Variants in SNX24 observed in about 807,000 individuals in gnomAD.
SNX24 encodes sorting nexin-24.
Under a neutral mutation model 28.7 loss-of-function variants are expected in SNX24, and 22 were observed. That is an observed-to-expected ratio of 0.77 (90% CI 0.55 to 1.10). The LOEUF (loss-of-function observed/expected upper bound fraction) is 1.10. Ranked by LOEUF, SNX24 falls within the 50% of genes least tolerant of loss-of-function variation. The pLI is 0.00. For missense variants in SNX24, 221 were observed against 201.1 expected (o/e 1.10, Z -0.60); for synonymous variants, 69 against 71.5 (o/e 0.96, Z 0.18).
intron 1 of SNX24, among the ~76,000 whole-genome samples, chr5:122,870,215 C>A (rs78246823): frequency 6.6e-6 from 1 of 152,156 alleles, no homozygotes; most frequent in South Asian, 2.1e-4. Flanking sequence ...CTCTATCAAC[C>A]TAAAGATCTT....
At chr5:122,974,219 G>T (rs1338969182) in intron 3 of SNX24, among the ~76,000 whole-genome samples, 1 of 152,204 alleles carries the variant, frequency 6.6e-6, no homozygotes, top group Non-Finnish European at 1.5e-5. Context: ...TGAGGTAGAA[G>T]GTACCTGAAT....
At chr5:122,924,284 A>G (rs1652265199) in intron 1 of SNX24, among the ~76,000 whole-genome samples, 1 of 152,238 alleles carries the variant, frequency 6.6e-6, no homozygotes, top group African/African-American at 2.4e-5. Flanking sequence ...ATACACCAAC[A>G]TCACTTCTCC....
chr5:123,023,956 A>ACGGT, intron 5 of SNX24: 1 of 1,614,098 alleles, frequency 6.2e-7, no homozygotes. Flanking sequence ...TGGTGAGTGG[A>ACGGT]CGGTCATGCC....
In SNX24 at chr5:122,856,126, A is replaced by G. The variant is rs180811174; in HGVS notation, c.60+10433A>G. On this transcript the variant is annotated intron_variant, in intron 1 of 6. Coordinates refer to ENST00000261369, the MANE Select transcript of SNX24 (RefSeq NM_014035.4). ...GATCTTCTCCCTTCTGCCTCCCTCC[A>G]CTCGCAAGTAATCCCTGGTGTCTGT... Among the ~76,000 whole-genome samples the G allele has an allele frequency of 3.9e-5, 6 of 152,030 alleles. No individual in the cohort carries two copies. In the East Asian group the frequency reaches 1.2e-3, roughly 29 times the overall value.
chr5:122,847,180 TAA>T (rs2150026597), intron 1 of SNX24, among the ~76,000 whole-genome samples: 1 of 152,320 alleles, frequency 6.6e-6, no homozygotes, highest in African/African-American at 2.4e-5. Flanking sequence ...CGGTTCAAGC[TAA>T]AAGTTAATTA....
chr5:122,952,709 T>A (rs1474747569), intron 3 of SNX24, among the ~76,000 whole-genome samples: 2 of 152,230 alleles, frequency 1.3e-5, no homozygotes, highest in Non-Finnish European at 2.9e-5. Context: ...AAAATTGATG[T>A]AATAAATCCA....
At chr5:122,955,467 AT>A (rs1462790890) in intron 3 of SNX24, among the ~76,000 whole-genome samples, 5 of 152,124 alleles carry the variant, frequency 3.3e-5, no homozygotes, top group African/African-American at 7.2e-5. Context: ...ATTGAATCTT[AT>A]ACATTTTTAT....
chr5:122,921,396 G>T (rs1271726328), intron 1 of SNX24, among the ~76,000 whole-genome samples: 2 of 152,106 alleles, frequency 1.3e-5, no homozygotes, highest in Non-Finnish European at 2.9e-5. Context: ...CGTGGTTGGA[G>T]GTGTTAGTTC....
chr5:122,936,898 A>G (rs539426998), intron 2 of SNX24, 81 bp downstream of exon 2: 11 of 736,428 alleles, frequency 1.5e-5, no homozygotes, highest in African/African-American at 3.5e-5. Flanking sequence ...CTGTGGTTCT[A>G]AGACCATTGA....
intron 1 of SNX24, among the ~76,000 whole-genome samples, chr5:122,896,233 A>G (rs1022974394): frequency 6.6e-6 from 1 of 152,182 alleles, no homozygotes; most frequent in Non-Finnish European, 1.5e-5. Flanking sequence ...TTTGGCACAC[A>G]TGTTGTAATT....
chr5:123,025,326 T>C (rs1762836054), intron 5 of SNX24, among the ~76,000 whole-genome samples: 1 of 152,186 alleles, frequency 6.6e-6, no homozygotes, highest in Non-Finnish European at 1.5e-5. Context: ...CCCCAGCCCC[T>C]GGCAACTACC....
At chr5:122,921,977 CTT>C (rs1758451451) in intron 1 of SNX24, among the ~76,000 whole-genome samples, 1 of 152,040 alleles carries the variant, frequency 6.6e-6, no homozygotes, top group Admixed American at 6.6e-5. Context: ...TTGGAATGTC[CTT>C]TTTCTCTCTC....
chr5:123,020,721 G>T (rs1762749761), intron 5 of SNX24, among the ~76,000 whole-genome samples: 1 of 151,928 alleles, frequency 6.6e-6, no homozygotes, highest in Non-Finnish European at 1.5e-5. Context: ...AAAGCTAAGT[G>T]TGGATTAGCT....
chr5:122,924,764 G>A (rs1049858879), intron 1 of SNX24, among the ~76,000 whole-genome samples: 10 of 152,026 alleles, frequency 6.6e-5, no homozygotes, highest in Admixed American at 1.3e-4. Context: ...TCTGTTTTAC[G>A]TATGAGGAAA....
At chr5:122,852,122 A>T (rs1052687210) in intron 1 of SNX24, among the ~76,000 whole-genome samples, 3 of 150,244 alleles carry the variant, frequency 2.0e-5, no homozygotes, top group Admixed American at 2.0e-4. Context: ...ATCTATATCT[A>T]TATCTATATA....
intron 1 of SNX24, among the ~76,000 whole-genome samples, chr5:122,865,417 G>A (rs1032852697): frequency 2.6e-5 from 4 of 152,204 alleles, no homozygotes; most frequent in Non-Finnish European, 4.4e-5. Flanking sequence ...TGCAATCTCT[G>A]CCTCCCGGGT....
intron 3 of SNX24, among the ~76,000 whole-genome samples, chr5:122,993,675 G>A (rs1202624299): frequency 1.3e-5 from 2 of 152,178 alleles, no homozygotes; most frequent in South Asian, 2.1e-4. Flanking sequence ...ACCAGGTGCA[G>A]GGAAGTGGTA....
intron 1 of SNX24, among the ~76,000 whole-genome samples, chr5:122,933,035 T>C (rs1002535310): frequency 2.0e-5 from 3 of 152,162 alleles, no homozygotes; most frequent in African/African-American, 7.2e-5. Flanking sequence ...TTTTACCTTG[T>C]TGGGTTCTAG....
chr5:122,856,039 T>C (rs1313744315), intron 1 of SNX24, among the ~76,000 whole-genome samples: 1 of 152,090 alleles, frequency 6.6e-6, no homozygotes, highest in Non-Finnish European at 1.5e-5. Context: ...GTTATAGGAG[T>C]TTGGCGTACA....
Sources: allele counts gnomAD v4.1 joint callset (sites outside exome capture counted in the v4.1 genomes callset), GRCh38; gene constraint gnomAD v4.1.1; transcripts MANE v1.5; gene names NCBI Gene and HGNC (gene_info 2026-07-23, HGNC 2026-07-21).